DCLK1: variants seen among roughly 807,000 people sequenced by gnomAD.
The protein encoded by DCLK1 is serine/threonine-protein kinase DCLK1.
DCLK1 carries 16 observed loss-of-function variants against 86.2 expected under a neutral mutation model. That is an observed-to-expected ratio of 0.19 (90% CI 0.13 to 0.28). The LOEUF is 0.28. Among genes scored for constraint, DCLK1 ranks in the 10% least tolerant of loss-of-function variants. The pLI is 1.00. For missense variants in DCLK1, 590 were observed against 940.2 expected (o/e 0.63, Z 4.87); for synonymous variants, 369 against 370.5 (o/e 1.00, Z 0.05).
chr13:35,856,034 A>C (rs1871033026), intron 5 of DCLK1, among the ~76,000 whole-genome samples: 1 of 152,194 alleles, frequency 6.6e-6, no homozygotes, highest in Non-Finnish European at 1.5e-5. Flanking sequence ...CAACCCTGGA[A>C]AGTGGGAAGC....
intron 4 of DCLK1, among the ~76,000 whole-genome samples, chr13:35,923,540 G>A (rs952994421): frequency 6.6e-6 from 1 of 152,020 alleles, no homozygotes; most frequent in Non-Finnish European, 1.5e-5. Flanking sequence ...GTGGGGGGTA[G>A]AGAGGCTATG....
intron 3 of DCLK1, among the ~76,000 whole-genome samples, chr13:36,051,147 TGAG>T (rs1342119784): frequency 3.3e-5 from 5 of 152,190 alleles, no homozygotes; most frequent in South Asian, 2.1e-4. Flanking sequence ...ATTTTAAAAA[TGAG>T]GAGAAGATAA....
At chr13:35,888,579 AC>A (rs1387036127) in intron 4 of DCLK1, among the ~76,000 whole-genome samples, 1 of 152,198 alleles carries the variant, frequency 6.6e-6, no homozygotes, top group African/African-American at 2.4e-5. Context: ...TTGTAGTTAT[AC>A]GAAGGCAGCC....
chr13:36,023,627 T>C (rs1212983329), intron 3 of DCLK1, among the ~76,000 whole-genome samples: 4 of 151,954 alleles, frequency 2.6e-5, no homozygotes, highest in African/African-American at 9.7e-5. Context: ...TATCCAAATA[T>C]CAATCAATGT....
At chr13:35,830,971 C>T (rs905331639) in intron 8 of DCLK1, among the ~76,000 whole-genome samples, 1 of 151,560 alleles carries the variant, frequency 6.6e-6, no homozygotes, top group Non-Finnish European at 1.5e-5. Flanking sequence ...AGGGCTGAAC[C>T]CCCTTTACAG....
At chr13:35,796,001 A>G (rs1175181117) in intron 15 of DCLK1, among the ~76,000 whole-genome samples, 2 of 152,020 alleles carry the variant, frequency 1.3e-5, no homozygotes, top group Non-Finnish European at 2.9e-5. Context: ...CCTGGAATTT[A>G]AGTTGGACAA....
At chr13:35,796,411 G>A (rs1439952870) in intron 15 of DCLK1, among the ~76,000 whole-genome samples, 1 of 152,182 alleles carries the variant, frequency 6.6e-6, no homozygotes, top group Admixed American at 6.5e-5. Flanking sequence ...TAGGGACGGA[G>A]GGTAGAAGTG....
In DCLK1 at chr13:35,953,903, G is replaced by A. The variant is rs144325655; in HGVS notation, c.724-6446C>T. Among the ~76,000 whole-genome samples, 429 of 152,238 alleles carry A rather than the reference G, an allele frequency of 2.8e-3. 3 individuals carry two copies. The highest frequency in any genetic ancestry group is 9.7e-3 in the African/African-American group (404 of 41,560). The stretch of plus-strand genomic sequence containing the variant: ...CCTGGATGCATTTGAAGCCACAGAA[G>A]TCATTGTGTCTTTATCAGGTGTTTT... On this transcript the variant is annotated intron_variant, in intron 3 of 16. Transcript: ENST00000360631.
intron 16 of DCLK1, among the ~76,000 whole-genome samples, chr13:35,792,112 A>C (rs990655500): frequency 2.6e-5 from 4 of 152,242 alleles, no homozygotes; most frequent in African/African-American, 9.6e-5. Context: ...AACAACTTGA[A>C]ATTTTAAAAC....
At chr13:35,948,853 A>T (rs1400538074) in intron 3 of DCLK1, among the ~76,000 whole-genome samples, 1 of 152,300 alleles carries the variant, frequency 6.6e-6, no homozygotes, top group Middle Eastern at 3.4e-3. Context: ...GCTTCAAGAG[A>T]GATGTCAGAA....
chr13:35,925,164 T>A (rs1876039192), intron 4 of DCLK1, among the ~76,000 whole-genome samples: 2 of 152,232 alleles, frequency 1.3e-5, no homozygotes, highest in African/African-American at 4.8e-5. Context: ...TATAGACATC[T>A]ACTACAGATT....
chr13:36,045,368 A>ATATATCTATATATC (rs71084403), intron 3 of DCLK1, among the ~76,000 whole-genome samples: 10 of 94,924 alleles, frequency 1.1e-4, no homozygotes, highest in Admixed American at 1.2e-4. Context: ...ATATATATAT[A>ATATATCTATATATC]TATATATATT....
intron 3 of DCLK1, among the ~76,000 whole-genome samples, chr13:36,017,936 A>AT (rs1335497890): frequency 6.6e-6 from 1 of 152,190 alleles, no homozygotes; most frequent in African/African-American, 2.4e-5. Flanking sequence ...TGGCGAGAAG[A>AT]TTCAGTTTCC....
intron 4 of DCLK1, among the ~76,000 whole-genome samples, chr13:35,873,011 A>G (rs1283691134): frequency 6.6e-6 from 1 of 152,074 alleles, no homozygotes; most frequent in Non-Finnish European, 1.5e-5. Flanking sequence ...AACTTATTCA[A>G]TCATTCCCCT....
At chr13:35,788,063 C>T in intron 16 of DCLK1, 1 of 766,704 alleles carries the variant, frequency 1.3e-6, no homozygotes, top group South Asian at 1.5e-5. Flanking sequence ...GGTGTGGCAT[C>T]TCAATCAAGA....
chr13:35,987,605 T>C (rs895083722), intron 3 of DCLK1, among the ~76,000 whole-genome samples: 7 of 152,066 alleles, frequency 4.6e-5, no homozygotes, highest in African/African-American at 9.7e-5. Context: ...ACATACACCA[T>C]TATGTACCAC....
intron 8 of DCLK1, among the ~76,000 whole-genome samples, chr13:35,835,565 C>T (rs1402982814): frequency 3.3e-5 from 5 of 152,160 alleles, no homozygotes; most frequent in Admixed American, 6.5e-5. Context: ...CATTTTAATA[C>T]GTCTTAATGT....
At chr13:35,877,118 C>T (rs1306063627) in intron 4 of DCLK1, among the ~76,000 whole-genome samples, 1 of 152,254 alleles carries the variant, frequency 6.6e-6, no homozygotes, top group Admixed American at 6.5e-5. Flanking sequence ...TCATTCCCCA[C>T]ACGATCTATA....
At chr13:35,928,270 G>A (rs1218266665) in intron 4 of DCLK1, among the ~76,000 whole-genome samples, 1 of 152,068 alleles carries the variant, frequency 6.6e-6, no homozygotes, top group Non-Finnish European at 1.5e-5. Context: ...GCCGACTCCT[G>A]GTAGTTGGTG....
Sources: gnomAD v4.1 joint callset for allele counts (sites outside exome capture counted in the v4.1 genomes callset) on GRCh38, gnomAD v4.1.1 for gene constraint, MANE v1.5 for transcripts, NCBI Gene and HGNC (gene_info 2026-07-23, HGNC 2026-07-21) for gene names.